Variants in HPSE2 observed in about 807,000 individuals in gnomAD.
The protein encoded by HPSE2 is inactive heparanase-2.
In HPSE2, 38 loss-of-function variants were observed where a neutral mutation model predicts 60.5. The ratio of observed to expected loss-of-function variants is 0.63; its 90% CI spans 0.48 to 0.82. The LOEUF is 0.82. Among genes scored for constraint, HPSE2 ranks in the 40% least tolerant of loss-of-function variants. The pLI is 0.00. For missense variants in HPSE2, 713 were observed against 740.4 expected (o/e 0.96, Z 0.43); for synonymous variants, 295 against 293.2 (o/e 1.01, Z -0.06).
At chr10:99,293,717 A>G in the HPSE2 span, among the ~76,000 whole-genome samples, 1 of 152,210 alleles carries the variant, frequency 6.6e-6, no homozygotes, top group Non-Finnish European at 1.5e-5. Context: ...CTAAAAAATT[A>G]ATCAAGAAAA....
chr10:99,017,977 T>C (rs373030794), intron 3 of HPSE2, among the ~76,000 whole-genome samples: 1 of 152,290 alleles, frequency 6.6e-6, no homozygotes, highest in African/African-American at 2.4e-5. Flanking sequence ...GAGGAGGGTT[T>C]AGTAATAATA....
intron 3 of HPSE2, among the ~76,000 whole-genome samples, chr10:98,830,154 A>G (rs922135451): frequency 6.6e-6 from 1 of 152,198 alleles, no homozygotes; most frequent in Non-Finnish European, 1.5e-5. Context: ...TAGTCCATAA[A>G]TACTATTGCC....
At chr10:99,206,783 A>T (rs2133898087) in intron 2 of HPSE2, among the ~76,000 whole-genome samples, 1 of 152,038 alleles carries the variant, frequency 6.6e-6, no homozygotes, top group Admixed American at 6.6e-5. Flanking sequence ...AAAATGCAAT[A>T]GAGAGCCTCA....
chr10:99,013,264 T>C, intron 3 of HPSE2: 2 of 634,596 alleles, frequency 3.2e-6, no homozygotes, highest in South Asian at 1.5e-5. Flanking sequence ...ACATCTTGTT[T>C]ATTAGCAAAA....
At chr10:99,050,428 T>A (rs1409722046) in intron 3 of HPSE2, among the ~76,000 whole-genome samples, 1 of 152,152 alleles carries the variant, frequency 6.6e-6, no homozygotes, top group Non-Finnish European at 1.5e-5. Flanking sequence ...ACAGTATGGA[T>A]ATTCCTCTAA....
intron 3 of HPSE2, among the ~76,000 whole-genome samples, chr10:99,010,653 G>C (rs1485020282): frequency 6.6e-6 from 1 of 152,158 alleles, no homozygotes; most frequent in Non-Finnish European, 1.5e-5. Flanking sequence ...ACTGAAAAGG[G>C]AAATCAAGGT....
rs577604692 is a variant in HPSE2 at position 99,103,525 on chromosome 10, G to C, written c.610+40713C>G. On this transcript the variant is annotated intron_variant, in intron 3 of 11. Transcript: ENST00000370552. ...AAGAACATTCCATGCTCATGGGTAGGAAGAATCGATATCGTGAAAATGGCC... is the reference window on the plus strand; with the variant it reads ...AAGAACATTCCATGCTCATGGGTAGCAAGAATCGATATCGTGAAAATGGCC... 2.6e-5 allele frequency among the ~76,000 whole-genome samples: 4 copies of C among 152,228 alleles called. No homozygotes were observed. The East Asian group carries it at 7.7e-4, about 29-fold the overall frequency.
chr10:99,098,106 T>G (rs905381156), intron 3 of HPSE2, among the ~76,000 whole-genome samples: 1 of 152,250 alleles, frequency 6.6e-6, no homozygotes, highest in African/African-American at 2.4e-5. Context: ...AGAAAGTCTA[T>G]ACAGTTAGTC....
At chr10:98,968,836 A>C (rs569961819) in intron 3 of HPSE2, among the ~76,000 whole-genome samples, 1 of 151,198 alleles carries the variant, frequency 6.6e-6, no homozygotes, top group Admixed American at 6.6e-5. Context: ...GACTCTGGGG[A>C]GTTGGGAGGA....
intron 3 of HPSE2, among the ~76,000 whole-genome samples, chr10:98,969,878 G>A (rs1406519675): frequency 6.6e-6 from 1 of 152,160 alleles, no homozygotes. Flanking sequence ...ACCCCAGGAA[G>A]TTTCCAATCA....
intron 6 of HPSE2, among the ~76,000 whole-genome samples, chr10:98,664,970 A>C (rs1334351582): frequency 6.6e-6 from 1 of 152,220 alleles, no homozygotes; most frequent in African/African-American, 2.4e-5. Flanking sequence ...CTGAAATGAC[A>C]GACACAGAAT....
At chr10:99,109,344 A>T (rs1397445958) in intron 3 of HPSE2, among the ~76,000 whole-genome samples, 1 of 152,154 alleles carries the variant, frequency 6.6e-6, no homozygotes, top group Non-Finnish European at 1.5e-5. Flanking sequence ...TAACACTTTC[A>T]AATTAAATTT....
At chr10:98,943,397 CT>C (rs1003294187) in intron 3 of HPSE2, among the ~76,000 whole-genome samples, 3 of 151,690 alleles carry the variant, frequency 2.0e-5, no homozygotes, top group Non-Finnish European at 4.4e-5. Context: ...ATTAAAATAG[CT>C]TTTAAAATAA....
chr10:98,692,331 T>C (rs899813701), intron 6 of HPSE2, among the ~76,000 whole-genome samples: 2 of 151,986 alleles, frequency 1.3e-5, no homozygotes, highest in East Asian at 1.9e-4. Flanking sequence ...TGGCACCAGA[T>C]GAAATCAGAA....
chr10:99,203,497 C>T (rs570451794), intron 2 of HPSE2, among the ~76,000 whole-genome samples: 4 of 151,130 alleles, frequency 2.6e-5, no homozygotes, highest in Non-Finnish European at 4.4e-5. Context: ...GCTCCAGGCC[C>T]GCCCAGTGCC....
At chr10:98,687,549 C>T (rs1947948993) in intron 6 of HPSE2, among the ~76,000 whole-genome samples, 1 of 152,140 alleles carries the variant, frequency 6.6e-6, no homozygotes. Context: ...TTCCCCTTTG[C>T]CATATAATGT....
chr10:99,182,809 A>G (rs575239960), intron 2 of HPSE2, among the ~76,000 whole-genome samples: 1 of 152,176 alleles, frequency 6.6e-6, no homozygotes, highest in African/African-American at 2.4e-5. Context: ...ATCCTGGCCA[A>G]CATGGTGAAA....
chr10:99,202,103 A>C (rs1848594304), intron 2 of HPSE2, among the ~76,000 whole-genome samples: 1 of 152,224 alleles, frequency 6.6e-6, no homozygotes, highest in South Asian at 2.1e-4. Flanking sequence ...CTCACATCTG[A>C]TATATAGATA....
intron 3 of HPSE2, among the ~76,000 whole-genome samples, chr10:98,799,050 C>G (rs930615734): frequency 6.6e-6 from 1 of 152,068 alleles, no homozygotes; most frequent in Admixed American, 6.5e-5. Context: ...AAACACACTT[C>G]ACCTATAAAG....
Sources: allele counts gnomAD v4.1 joint callset (sites outside exome capture counted in the v4.1 genomes callset), GRCh38; gene constraint gnomAD v4.1.1; transcripts MANE v1.5; gene names NCBI Gene and HGNC (gene_info 2026-07-23, HGNC 2026-07-21).